DGCR6L: variants seen among roughly 807,000 people sequenced by gnomAD.
DGCR6L encodes the protein DiGeorge syndrome critical region gene 6 like.
Under a neutral mutation model 31.1 loss-of-function variants are expected in DGCR6L, and 24 were observed. The observed-to-expected ratio is 0.77, with a 90% CI of 0.56 to 1.08. DGCR6L has a LOEUF of 1.08. Ranked by LOEUF, DGCR6L falls within the 50% of genes least tolerant of loss-of-function variation. The probability of loss-of-function intolerance (pLI) is 0.00; values close to 1 mark genes in which losing one functional copy is unlikely to be tolerated. For missense variants in DGCR6L, 218 were observed against 287.1 expected (o/e 0.76, Z 1.74); for synonymous variants, 104 against 126.1 (o/e 0.82, Z 1.17).
intron 2 of DGCR6L, among the ~76,000 whole-genome samples, chr22:20,317,474 G>A (rs1360517775): frequency 2.0e-5 from 3 of 152,246 alleles, no homozygotes; most frequent in East Asian, 3.8e-4. Flanking sequence ...GCAGCCAGTC[G>A]CCCCTGCCAA....
At chr22:20,317,926 T>G (rs887704758) in intron 2 of DGCR6L, among the ~76,000 whole-genome samples, 1 of 152,214 alleles carries the variant, frequency 6.6e-6, no homozygotes, top group Non-Finnish European at 1.5e-5. Flanking sequence ...CAAACTCTTC[T>G]GGAAAACTGA....
intron 4 of DGCR6L, 97 bp downstream of exon 4, chr22:20,315,239 A>C: frequency 6.5e-7 from 1 of 1,544,556 alleles, no homozygotes; most frequent in Non-Finnish European, 8.7e-7. Flanking sequence ...TCACCCCCAT[A>C]CCCTGAGCCT....
chr22:20,315,024 C>T (rs1444340757), intron 4 of DGCR6L, 200 bp from the exon 5 acceptor site: 1 of 1,326,422 alleles, frequency 7.5e-7, no homozygotes, highest in South Asian at 1.3e-5. Context: ...AGCAGGGCCA[C>T]TCGGAATCTG....
rs767833489 is a variant in DGCR6L at position 20,320,024 on chromosome 22, G to T, written c.-36C>A. 3 of 1,511,648 alleles carry T rather than the reference G, an allele frequency of 2.0e-6. No homozygotes were observed. The highest frequency in any genetic ancestry group is 1.3e-5 in the South Asian group (1 of 78,422). 93.6% of individuals were successfully genotyped at this position (1,511,648 alleles called of 1,614,324 possible). On this transcript the variant is annotated 5_prime_UTR_variant, in exon 1 of 5. Transcript: ENST00000248879. ...CCCGCTAGCCGCCGGCGGCGGCGAC[G>T]AGCTCCCCCAGCTTCACGACATCCC... is the stretch of plus-strand genomic sequence containing the variant.
chr22:20,319,186 A>G (rs762927962), intron 2 of DGCR6L, among the ~76,000 whole-genome samples: 27 of 152,220 alleles, frequency 1.8e-4, no homozygotes, highest in Non-Finnish European at 2.1e-4. Flanking sequence ...CACAGGAGAC[A>G]GTGCTTAGGA....
chr22:20,319,556 G>A (rs1602681864), intron 2 of DGCR6L, 83 bp downstream of exon 2: 2 of 1,536,684 alleles, frequency 1.3e-6, no homozygotes, highest in African/African-American at 1.4e-5. Context: ...TCCAAGGAAG[G>A]AGCTGATCTG....
rs201591381 is a variant in DGCR6L, at chr22:20,315,496, C to T, written c.373-20G>A. 272 of 1,610,890 alleles carry T rather than the reference C, an allele frequency of 1.7e-4. 1 individual carries two copies. The highest frequency in any genetic ancestry group is 1.7e-3 in the African/African-American group (124 of 75,024). On this transcript the variant is annotated intron_variant, in intron 3 of 4. Coordinates refer to ENST00000248879, the MANE Select transcript of DGCR6L (RefSeq NM_033257.4). ...CACGGCCTGCCATGGGGCCAGGGCG[C>T]GGAGGGGGAGAGGTGAGGGCAGCTC...
At position 20,314,320 on chromosome 22, in the gene DGCR6L, G is replaced by A. The variant is rs1262690617; in HGVS notation, c.*355C>T. 1.3e-5 allele frequency: 3 copies of A among 238,518 alleles called. No individual in the cohort carries two copies. Among genetic ancestry groups the A allele is most frequent in the Admixed American group, 5.0e-5 (1 of 20,194 alleles). The allele number at this position is 238,518 out of a possible 1,614,324, so 14.8% of individuals were successfully genotyped here. On this transcript the variant is annotated 3_prime_UTR_variant, in exon 5 of 5. Coordinates refer to ENST00000248879, the MANE Select transcript of DGCR6L (RefSeq NM_033257.4). Reference sequence around the variant, plus strand: ...TCTTTATTTCTCTGGGTCACACAGAGCTTGGGCCTGGGAGCCTCTTCTGCA... The same window carrying A: ...TCTTTATTTCTCTGGGTCACACAGAACTTGGGCCTGGGAGCCTCTTCTGCA...
chr22:20,316,486 C>G (rs1254064910), intron 2 of DGCR6L, among the ~76,000 whole-genome samples: 1 of 152,192 alleles, frequency 6.6e-6, no homozygotes, highest in African/African-American at 2.4e-5. Context: ...AGCTGCAGCC[C>G]CAGACCCAGG....
At chr22:20,315,244 G>A (rs1261759779) in intron 4 of DGCR6L, 92 bp downstream of exon 4, 2 of 1,547,234 alleles carry the variant, frequency 1.3e-6, no homozygotes, top group Non-Finnish European at 1.7e-6. Flanking sequence ...CCCATACCCT[G>A]AGCCTGGCTC....
At chr22:20,319,601 C>G in intron 2 of DGCR6L, 38 bp downstream of exon 2, 1 of 1,604,450 alleles carries the variant, frequency 6.2e-7, no homozygotes. Context: ...GGCGCCGACC[C>G]GGAGGAGGCG....
chr22:20,314,674 G>A lies in DGCR6L; in HGVS notation c.*1C>T, dbSNP rs368248559. 5.0e-6 allele frequency: 8 copies of A among 1,592,424 alleles called. No individual in the cohort carries two copies. Among genetic ancestry groups the A allele is most frequent in the Non-Finnish European group, 6.0e-6 (7 of 1,166,808 alleles). On this transcript the variant is annotated 3_prime_UTR_variant, in exon 5 of 5. Coordinates refer to ENST00000248879, the MANE Select transcript of DGCR6L (RefSeq NM_033257.4). ...TCTGCCCAGACTTCTGCTGCCTGTG[G>A]CTATGGTGGGACAGGGCTGCCTTTC...
In DGCR6L at chr22:20,319,990, G is replaced by T; in HGVS notation, c.-2C>A. Reference sequence around the variant, plus strand: ...CAAGGCGGCCGCGTAGCGCTCCATGGCGCGGACGCCCGCTAGCCGCCGGCG... The same window carrying T: ...CAAGGCGGCCGCGTAGCGCTCCATGTCGCGGACGCCCGCTAGCCGCCGGCG... On this transcript the variant is annotated 5_prime_UTR_variant, in exon 1 of 5. Coordinates refer to ENST00000248879, the MANE Select transcript of DGCR6L (RefSeq NM_033257.4). 1.3e-6 allele frequency: 2 copies of T among 1,569,544 alleles called. No individual in the cohort carries two copies. The highest frequency in any genetic ancestry group is 1.2e-5 in the South Asian group (1 of 86,480).
At chr22:20,316,429 G>A (rs1381651595) in intron 2 of DGCR6L, among the ~76,000 whole-genome samples, 5 of 152,242 alleles carry the variant, frequency 3.3e-5, no homozygotes, top group South Asian at 2.1e-4. Flanking sequence ...CAGAAGGTGC[G>A]GGGCACTGAA....
At chr22:20,319,216 T>G (rs1283082570) in intron 2 of DGCR6L, among the ~76,000 whole-genome samples, 1 of 152,122 alleles carries the variant, frequency 6.6e-6, no homozygotes, top group Non-Finnish European at 1.5e-5. Context: ...GCAACTGGAA[T>G]GAGGCCCTGC....
Position 20,319,652 on chromosome 22 carries a change from C to T in DGCR6L, c.258G>A (p.Gln86=). 5 of 1,611,540 alleles carry T rather than the reference C, an allele frequency of 3.1e-6. No individual in the cohort carries two copies. The highest frequency in any genetic ancestry group is 4.2e-6 in the Non-Finnish European group (5 of 1,179,830). ...KSLYNQRLRL[Q]NEHRVLRQAL... ...GCCCCCGCGCACCTCGGTGCTCGTTCTGTAGGCGCAGGCGCTGGTTGTACA... is the reference window on the plus strand; with the variant it reads ...GCCCCCGCGCACCTCGGTGCTCGTTTTGTAGGCGCAGGCGCTGGTTGTACA... Residue 86 remains glutamine (Q), a synonymous_variant, in exon 2 of 5, where the codon CAG becomes CAA. Transcript: ENST00000248879.
rs1017548177 is a variant in DGCR6L at position 20,314,513 on chromosome 22, G to A, written c.*162C>T. The A allele has an allele frequency of 1.6e-5, 18 of 1,137,598 alleles. No homozygotes were observed. Among genetic ancestry groups the A allele is most frequent in the Non-Finnish European group, 1.9e-5 (16 of 821,540 alleles). 70.5% of individuals were successfully genotyped at this position (1,137,598 alleles called of 1,614,324 possible). A position where few individuals can be genotyped will look rare whatever the true frequency, so the allele number is the denominator to read the frequency against. On this transcript the variant is annotated 3_prime_UTR_variant, in exon 5 of 5. Coordinates refer to ENST00000248879, the MANE Select transcript of DGCR6L (RefSeq NM_033257.4). ...CAGGCTGGCCCAGCCTCCCCTTTATGAGACTATCCTAGGGTTTGACAGCAA... is the reference window on the plus strand; with the variant it reads ...CAGGCTGGCCCAGCCTCCCCTTTATAAGACTATCCTAGGGTTTGACAGCAA...
chr22:20,317,736 G>A (rs1602680875), intron 2 of DGCR6L, among the ~76,000 whole-genome samples: 1 of 152,388 alleles, frequency 6.6e-6, no homozygotes, highest in East Asian at 1.9e-4. Flanking sequence ...GAATGATGGG[G>A]CGGCATCTAA....
In DGCR6L at chr22:20,320,021, G is replaced by T. The variant is rs761914065; in HGVS notation, c.-33C>A. The T allele has an allele frequency of 6.6e-7, 1 of 1,515,004 alleles. No individual in the cohort carries two copies. Among genetic ancestry groups the T allele is most frequent in the Non-Finnish European group, 8.8e-7 (1 of 1,136,020 alleles). The allele number at this position is 1,515,004 out of a possible 1,614,324, so 93.8% of individuals were successfully genotyped here. On this transcript the variant is annotated 5_prime_UTR_variant, in exon 1 of 5. Coordinates refer to ENST00000248879, the MANE Select transcript of DGCR6L (RefSeq NM_033257.4). ...ACGCCCGCTAGCCGCCGGCGGCGGC[G>T]ACGAGCTCCCCCAGCTTCACGACAT... is the stretch of plus-strand genomic sequence containing the variant.
Sources: allele counts gnomAD v4.1 joint callset (sites outside exome capture counted in the v4.1 genomes callset), GRCh38; gene constraint gnomAD v4.1.1; transcripts MANE v1.5; gene names NCBI Gene and HGNC (gene_info 2026-07-23, HGNC 2026-07-21).